Variants in LHFPL3 observed in about 807,000 individuals in gnomAD.
LHFPL3 encodes LHFPL tetraspan subfamily member 3, also known as LHFPL tetraspan subfamily member 3 protein.
Under a neutral mutation model 19.3 loss-of-function variants are expected in LHFPL3, and 5 were observed. The ratio of observed to expected loss-of-function variants is 0.26; its 90% CI spans 0.14 to 0.54. The LOEUF is 0.54. Ranked by LOEUF, LHFPL3 falls within the 20% of genes least tolerant of loss-of-function variation. LHFPL3 has a pLI of 0.94. For missense variants in LHFPL3, 249 were observed against 307.4 expected, an observed-to-expected ratio of 0.81 and a Z score of 1.42; for synonymous variants, 133 against 126.2, an observed-to-expected ratio of 1.05 and a Z score of -0.36.
intron 1 of LHFPL3, among the ~76,000 whole-genome samples, chr7:104,379,323 C>T (rs1000619754): frequency 6.6e-6 from 1 of 152,186 alleles, no homozygotes; most frequent in Non-Finnish European, 1.5e-5. Flanking sequence ...TTGGGCCTCC[C>T]TCGGCACAGA....
At chr7:104,648,452 T>C (rs966786015) in intron 1 of LHFPL3, among the ~76,000 whole-genome samples, 2 of 152,230 alleles carry the variant, frequency 1.3e-5, no homozygotes, top group African/African-American at 4.8e-5. Flanking sequence ...ATGAAATGTC[T>C]TTCCATTGGT....
At chr7:104,698,235 GAAC>G (rs1160526421) in intron 1 of LHFPL3, among the ~76,000 whole-genome samples, 1 of 152,074 alleles carries the variant, frequency 6.6e-6, no homozygotes, top group Non-Finnish European at 1.5e-5. Flanking sequence ...AGACATATAA[GAAC>G]AACAAAACAA....
chr7:104,771,813 T>C (rs1398135846), intron 2 of LHFPL3, among the ~76,000 whole-genome samples: 2 of 124,566 alleles, frequency 1.6e-5, no homozygotes, highest in African/African-American at 2.9e-5. Flanking sequence ...TTCTTTTGCC[T>C]CTCTTTTTTT....
intron 1 of LHFPL3, among the ~76,000 whole-genome samples, chr7:104,616,394 T>C (rs1449516170): frequency 6.6e-6 from 1 of 152,162 alleles, no homozygotes; most frequent in East Asian, 1.9e-4. Context: ...GGGAAAGGAT[T>C]CCCTATTTAA....
rs145428903 is a variant in LHFPL3 at position 104,753,847 on chromosome 7, G to A, written c.682+16936G>A. Among the ~76,000 whole-genome samples the A allele has an allele frequency of 3.0e-4, 45 of 152,260 alleles. 1 individual carries two copies. The East Asian group carries it at 8.1e-3, about 27-fold the overall frequency. On this transcript the variant is annotated intron_variant, in intron 2 of 2. Coordinates refer to ENST00000424859, the MANE Select transcript of LHFPL3 (RefSeq NM_199000.3). ...ATGCAAGTTAAAACAGTGAGTTATC[G>A]GTTTGCACCTTTCAGGCTGGCAGAA...
chr7:104,812,483 C>G (rs1029810173), intron 2 of LHFPL3, among the ~76,000 whole-genome samples: 1 of 152,012 alleles, frequency 6.6e-6, no homozygotes, highest in African/African-American at 2.4e-5. Flanking sequence ...TAATGAGACC[C>G]CCATGTCTAC....
At chr7:104,561,507 C>T (rs1286973241) in intron 1 of LHFPL3, among the ~76,000 whole-genome samples, 1 of 150,688 alleles carries the variant, frequency 6.6e-6, no homozygotes, top group African/African-American at 2.5e-5. Flanking sequence ...ATTGCAACCC[C>T]TGCCTTTTTT....
At chr7:104,809,890 C>T (rs1005049802) in intron 2 of LHFPL3, among the ~76,000 whole-genome samples, 1 of 152,090 alleles carries the variant, frequency 6.6e-6, no homozygotes, top group African/African-American at 2.4e-5. Flanking sequence ...GACATAGTTC[C>T]CACCCATTCA....
chr7:104,444,254 TC>T (rs1792283321), intron 1 of LHFPL3, among the ~76,000 whole-genome samples: 1 of 152,174 alleles, frequency 6.6e-6, no homozygotes, highest in Non-Finnish European at 1.5e-5. Flanking sequence ...GCATGTTGGC[TC>T]TGGCCAGGTG....
At chr7:104,645,806 G>A (rs999172510) in intron 1 of LHFPL3, among the ~76,000 whole-genome samples, 65 of 151,582 alleles carry the variant, frequency 4.3e-4, no homozygotes, top group Non-Finnish European at 2.2e-4. Context: ...GACTACAGGC[G>A]CCCGCCACCA....
At chr7:104,507,010 G>A (rs1562919388) in intron 1 of LHFPL3, among the ~76,000 whole-genome samples, 1 of 152,032 alleles carries the variant, frequency 6.6e-6, no homozygotes, top group East Asian at 1.9e-4. Context: ...TATTAAGAAA[G>A]TTTTTTTTAG....
At chr7:104,773,801 A>C (rs544388813) in intron 2 of LHFPL3, among the ~76,000 whole-genome samples, 1 of 152,288 alleles carries the variant, frequency 6.6e-6, no homozygotes, top group South Asian at 2.1e-4. Flanking sequence ...CCAGCAAACC[A>C]CCAGAAGGTA....
intron 1 of LHFPL3, among the ~76,000 whole-genome samples, chr7:104,667,267 G>GGGGC (rs1562961554): frequency 7.0e-6 from 1 of 143,146 alleles, no homozygotes; most frequent in Non-Finnish European, 1.5e-5. Context: ...GTTTTCTTGG[G>GGGGC]GGGGGGAATC....
chr7:104,823,188 A>G (rs1562803937), intron 2 of LHFPL3, among the ~76,000 whole-genome samples: 1 of 152,182 alleles, frequency 6.6e-6, no homozygotes, highest in Non-Finnish European at 1.5e-5. Context: ...AATTTCAGAT[A>G]AAGAAGAAAT....
intron 2 of LHFPL3, among the ~76,000 whole-genome samples, chr7:104,892,490 A>C (rs997406809): frequency 6.6e-5 from 10 of 152,116 alleles, no homozygotes; most frequent in African/African-American, 1.4e-4. Context: ...AGGCAGGCGG[A>C]TCACAAGGTC....
chr7:104,352,195 A>C (rs1231880453), intron 1 of LHFPL3, among the ~76,000 whole-genome samples: 1 of 151,834 alleles, frequency 6.6e-6, no homozygotes, highest in Non-Finnish European at 1.5e-5. Flanking sequence ...CAACTGAATC[A>C]TTATTCCCTT....
intron 2 of LHFPL3, among the ~76,000 whole-genome samples, chr7:104,850,784 C>T (rs1047743671): frequency 5.3e-5 from 8 of 151,662 alleles, no homozygotes; most frequent in Admixed American, 3.3e-4. Flanking sequence ...TTCTGAGATA[C>T]CCCCCCACCC....
intron 1 of LHFPL3, among the ~76,000 whole-genome samples, chr7:104,695,631 C>T (rs1792983665): frequency 6.6e-6 from 1 of 152,108 alleles, no homozygotes; most frequent in Non-Finnish European, 1.5e-5. Context: ...ATTGTTTTTT[C>T]TGGGTGAGGT....
At chr7:104,485,400 T>G (rs1158801314) in intron 1 of LHFPL3, among the ~76,000 whole-genome samples, 1 of 152,138 alleles carries the variant, frequency 6.6e-6, no homozygotes, top group Non-Finnish European at 1.5e-5. Flanking sequence ...TTTTTTAAAG[T>G]GCTCTCAGAG....
Sources: gnomAD v4.1 joint callset for allele counts (sites outside exome capture counted in the v4.1 genomes callset) on GRCh38, gnomAD v4.1.1 for gene constraint, MANE v1.5 for transcripts, NCBI Gene and HGNC (gene_info 2026-07-23, HGNC 2026-07-21) for gene names.